The following CCSER1 variants were observed in gnomAD, a reference collection of about 807,000 sequenced individuals.
CCSER1 encodes coiled-coil serine rich protein 1.
A neutral mutation model predicts 82.0 loss-of-function variants in CCSER1; 41 were observed. The ratio of observed to expected loss-of-function variants is 0.50; its 90% CI spans 0.39 to 0.65. CCSER1 has a LOEUF of 0.65. Among genes scored for constraint, CCSER1 ranks in the 30% least tolerant of loss-of-function variants. CCSER1 has a pLI of 0.00. For missense variants in CCSER1, 1,119 were observed against 1,064.2 expected (o/e 1.05, Z -0.72); for synonymous variants, 414 against 383.9 (o/e 1.08, Z -0.92).
chr4:91,112,190 C>T (rs890523961), intron 10 of CCSER1, among the ~76,000 whole-genome samples: 4 of 152,064 alleles, frequency 2.6e-5, no homozygotes, highest in Admixed American at 2.0e-4. Context: ...ACTAAGAGAT[C>T]GTCCTGAAAA....
At chr4:91,283,759 C>T (rs192466179) in intron 10 of CCSER1, among the ~76,000 whole-genome samples, 4 of 151,928 alleles carry the variant, frequency 2.6e-5, no homozygotes, top group Admixed American at 2.6e-4. Flanking sequence ...TCTACTGTTA[C>T]TAATGCTGAC....
At chr4:91,435,660 T>A (rs1754605369) in intron 10 of CCSER1, among the ~76,000 whole-genome samples, 1 of 152,172 alleles carries the variant, frequency 6.6e-6, no homozygotes, top group African/African-American at 2.4e-5. Flanking sequence ...TTTGAAAACT[T>A]ATGAACTACT....
At chr4:91,204,441 G>A (rs192346940) in intron 10 of CCSER1, among the ~76,000 whole-genome samples, 55 of 151,876 alleles carry the variant, frequency 3.6e-4, no homozygotes, top group African/African-American at 1.2e-3. Context: ...ATTTTGATGT[G>A]CTACTTTGGG....
chr4:90,930,565 A>C (rs1400182078), intron 9 of CCSER1, among the ~76,000 whole-genome samples: 4 of 151,964 alleles, frequency 2.6e-5, no homozygotes, highest in Admixed American at 2.6e-4. Flanking sequence ...GTGAGCCGAG[A>C]TCGTGCCACT....
chr4:91,410,517 T>A (rs1752958857), intron 10 of CCSER1, among the ~76,000 whole-genome samples: 1 of 152,128 alleles, frequency 6.6e-6, no homozygotes, highest in African/African-American at 2.4e-5. Context: ...GTTGCTTGAG[T>A]CCTTCGAAAG....
intron 1 of CCSER1, among the ~76,000 whole-genome samples, chr4:90,200,061 GAC>G (rs71596519): frequency 0.026 from 3,698 of 144,816 alleles, 76 homozygotes; most frequent in African/African-American, 0.047. Flanking sequence ...CGTGCACGCA[GAC>G]ACACACACAC....
intron 3 of CCSER1, among the ~76,000 whole-genome samples, chr4:90,362,394 A>T (rs879478331): frequency 6.6e-6 from 1 of 152,204 alleles, no homozygotes. Flanking sequence ...TTAAGAAAAC[A>T]TTTAGTGTTT....
chr4:91,163,587 AG>A (rs2148983618), intron 10 of CCSER1, among the ~76,000 whole-genome samples: 1 of 152,274 alleles, frequency 6.6e-6, no homozygotes, highest in African/African-American at 2.4e-5. Context: ...TAGGTCTCTA[AG>A]GACTTGGTTT....
At chr4:90,410,290 A>G (rs1026032277) in intron 4 of CCSER1, among the ~76,000 whole-genome samples, 9 of 152,214 alleles carry the variant, frequency 5.9e-5, no homozygotes, top group Non-Finnish European at 1.3e-4. Flanking sequence ...CCTAATAGTC[A>G]TCTGCAGAAC....
At chr4:90,903,721 C>T (rs966602104) in intron 8 of CCSER1, among the ~76,000 whole-genome samples, 4 of 151,598 alleles carry the variant, frequency 2.6e-5, no homozygotes, top group African/African-American at 4.8e-5. Flanking sequence ...GCCTGTAATC[C>T]CAGCTACTCA....
chr4:90,574,383 C>G (rs533692034), intron 5 of CCSER1, among the ~76,000 whole-genome samples: 1 of 150,590 alleles, frequency 6.6e-6, no homozygotes, highest in East Asian at 2.0e-4. Flanking sequence ...ATTCTCCTGC[C>G]TCAGCCTCCC....
At chr4:91,198,266 A>T (rs1285641106) in intron 10 of CCSER1, among the ~76,000 whole-genome samples, 1 of 152,168 alleles carries the variant, frequency 6.6e-6, no homozygotes, top group African/African-American at 2.4e-5. Flanking sequence ...ATATAATTTT[A>T]AAAATAGATT....
intron 10 of CCSER1, among the ~76,000 whole-genome samples, chr4:91,145,908 A>G (rs2148939723): frequency 6.6e-6 from 1 of 152,290 alleles, no homozygotes; most frequent in East Asian, 1.9e-4. Flanking sequence ...TTGACCTTCA[A>G]AAGTCTGATG....
intron 9 of CCSER1, among the ~76,000 whole-genome samples, chr4:91,051,355 T>A (rs538247945): frequency 0.012 from 1,787 of 152,296 alleles, 18 homozygotes; most frequent in South Asian, 0.021. Context: ...GCCATTAAAT[T>A]TAACAGAATA....
intron 10 of CCSER1, among the ~76,000 whole-genome samples, chr4:91,370,508 A>C (rs1749958936): frequency 6.6e-6 from 1 of 152,084 alleles, no homozygotes; most frequent in South Asian, 2.1e-4. Flanking sequence ...CATCCTGGCC[A>C]GTATGGTGAA....
chr4:91,219,863 C>G (rs999790815), intron 10 of CCSER1, among the ~76,000 whole-genome samples: 3 of 152,138 alleles, frequency 2.0e-5, no homozygotes, highest in Admixed American at 6.6e-5. Flanking sequence ...GTATCTGTCT[C>G]TCATATCTGT....
At chr4:90,857,999 T>C (rs1291260833) in intron 8 of CCSER1, among the ~76,000 whole-genome samples, 1 of 152,064 alleles carries the variant, frequency 6.6e-6, no homozygotes, top group Non-Finnish European at 1.5e-5. Flanking sequence ...AACATCATGT[T>C]ATATGCCTTA....
chr4:90,364,889 T>C (rs1011226898), intron 3 of CCSER1, among the ~76,000 whole-genome samples: 3 of 151,888 alleles, frequency 2.0e-5, no homozygotes, highest in African/African-American at 7.2e-5. Context: ...TAAACTAACC[T>C]ATTTTTTTTT....
chr4:90,572,468 C>T lies in CCSER1; in HGVS notation c.1725-55557C>T, dbSNP rs560212661. Among the ~76,000 whole-genome samples, 12 of 152,138 alleles carry T rather than the reference C, an allele frequency of 7.9e-5. No homozygotes were observed. In the East Asian group the frequency reaches 1.9e-3, roughly 24 times the overall value. On this transcript the variant is annotated intron_variant, in intron 5 of 10. Coordinates refer to ENST00000509176, the MANE Select transcript of CCSER1 (RefSeq NM_001145065.2). ...TCTTCTTTTTCTTTAACACCTATGA[C>T]ATGAAAGTTTGTTTAGATATTCTTC...
Sources: gnomAD v4.1 joint callset for allele counts (sites outside exome capture counted in the v4.1 genomes callset) on GRCh38, gnomAD v4.1.1 for gene constraint, MANE v1.5 for transcripts, NCBI Gene and HGNC (gene_info 2026-07-23, HGNC 2026-07-21) for gene names.